The following TMED3 variants were observed in gnomAD, a reference collection of about 807,000 sequenced individuals.
TMED3 encodes the protein transmembrane emp24 domain-containing protein 3.
In TMED3, 9 loss-of-function variants were observed where a neutral mutation model predicts 15.0. That is an observed-to-expected ratio of 0.60 (90% CI 0.36 to 1.04). The LOEUF (loss-of-function observed/expected upper bound fraction) is 1.04, where lower values mean the gene tolerates loss of function less well. TMED3 is among the 50% of genes least tolerant of loss of function. TMED3 has a pLI of 0.01. For missense variants in TMED3, 267 were observed against 278.9 expected (o/e 0.96, Z 0.30); for synonymous variants, 117 against 121.4 (o/e 0.96, Z 0.24).
intron 2 of TMED3, 99 bp downstream of exon 2, chr15:79,314,104 G>T (rs1408095788): frequency 1.6e-5 from 24 of 1,495,060 alleles, no homozygotes; most frequent in Non-Finnish European, 1.2e-5. Context: ...CATCCATCCA[G>T]CTCCCAGTCT....
At chr15:79,332,020 T>C (rs1249755067) in intron 2 of TMED3, among the ~76,000 whole-genome samples, 1 of 152,102 alleles carries the variant, frequency 6.6e-6, no homozygotes, top group Non-Finnish European at 1.5e-5. Context: ...ACCACTGCAC[T>C]CCAGCCTGGG....
chr15:79,329,475 T>C (rs1436366103), intron 2 of TMED3, among the ~76,000 whole-genome samples: 1 of 152,256 alleles, frequency 6.6e-6, no homozygotes, highest in African/African-American at 2.4e-5. Context: ...CCTGTTTGTG[T>C]AAGCTTGTAC....
At chr15:79,353,575 TACACACAC>T (rs55929180) in intron 2 of TMED3, among the ~76,000 whole-genome samples, 20 of 135,594 alleles carry the variant, frequency 1.5e-4, no homozygotes, top group African/African-American at 4.7e-4. Flanking sequence ...GGGTTAAAAA[TACACACAC>T]ACACACACAC....
At chr15:79,411,140 C>T (rs1283782650) in intron 2 of TMED3, among the ~76,000 whole-genome samples, 1 of 152,162 alleles carries the variant, frequency 6.6e-6, no homozygotes, top group Non-Finnish European at 1.5e-5. Flanking sequence ...CGGGGTCACA[C>T]AGGCATCCAG....
chr15:79,384,667 T>C (rs1394516966), intron 2 of TMED3: 1 of 152,216 alleles, frequency 6.6e-6, no homozygotes, highest in Non-Finnish European at 1.5e-5. Context: ...TAATAGCAGA[T>C]AATTGGGTAG....
intron 2 of TMED3, among the ~76,000 whole-genome samples, chr15:79,341,930 TGAA>T (rs2141229152): frequency 6.6e-6 from 1 of 152,246 alleles, no homozygotes; most frequent in South Asian, 2.1e-4. Flanking sequence ...CCTCCACTGA[TGAA>T]GAAGTATACG....
At chr15:79,355,758 A>G (rs1465212993) in intron 2 of TMED3, among the ~76,000 whole-genome samples, 1 of 152,180 alleles carries the variant, frequency 6.6e-6, no homozygotes, top group African/African-American at 2.4e-5. Context: ...CCAAGCTCCA[A>G]GGAGCCGGCC....
chr15:79,346,372 T>C (rs1595894978), intron 2 of TMED3, among the ~76,000 whole-genome samples: 1 of 152,188 alleles, frequency 6.6e-6, no homozygotes, highest in South Asian at 2.1e-4. Flanking sequence ...CATAATTGAA[T>C]CATGGGGGCT....
chr15:79,322,446 T>G lies in TMED3; in HGVS notation c.*232T>G. ...TTAAGTGTGCAGCGCTGAAAAGACA[T>G]TTACAACTAGGCCAGGGATTAGCCA... On this transcript the variant is annotated 3_prime_UTR_variant, in exon 3 of 3. Transcript: ENST00000299705. 7.4e-7 allele frequency: 1 copy of G among 1,358,270 alleles called. No individual in the cohort carries two copies. Among genetic ancestry groups the G allele is most frequent in the Non-Finnish European group, 9.5e-7 (1 of 1,056,954 alleles). 84.1% of individuals were successfully genotyped at this position (1,358,270 alleles called of 1,614,324 possible).
intron 2 of TMED3, among the ~76,000 whole-genome samples, chr15:79,393,417 C>T (rs935483070): frequency 3.9e-5 from 6 of 152,102 alleles, no homozygotes; most frequent in Admixed American, 2.6e-4. Context: ...TCAAGGCACT[C>T]GGGACTTGGT....
chr15:79,406,231 C>T (rs767926254), intron 2 of TMED3, among the ~76,000 whole-genome samples: 6 of 152,248 alleles, frequency 3.9e-5, no homozygotes, highest in South Asian at 4.1e-4. Context: ...CTGTCTTCAC[C>T]GGGGTGAGGG....
intron 2 of TMED3, among the ~76,000 whole-genome samples, chr15:79,344,701 A>T (rs1487376430): frequency 6.6e-6 from 1 of 152,186 alleles, no homozygotes; most frequent in Non-Finnish European, 1.5e-5. Flanking sequence ...GGGGAACCTC[A>T]TTCAACCCAG....
intron 2 of TMED3, among the ~76,000 whole-genome samples, chr15:79,407,501 G>A (rs2903062): frequency 0.87 from 132,999 of 152,208 alleles, 58,524 homozygotes; most frequent in South Asian, 0.94. Flanking sequence ...GACCCTGGTT[G>A]TTGATCTGGA....
rs1428368981 is a variant in TMED3, at chr15:79,376,135, A to C, written c.418-35265A>C. 5.2e-5 allele frequency among the ~76,000 whole-genome samples: 6 copies of C among 114,566 alleles called. No individual in the cohort carries two copies. In the East Asian group the frequency reaches 7.4e-4, roughly 14 times the overall value. The allele number at this position is 114,566 out of a possible 152,430, so 75.2% of individuals were successfully genotyped here. A position where few individuals can be genotyped will look rare whatever the true frequency, so the allele number is the denominator to read the frequency against. ...TTTTTTTTTTTTTTTTTTGAGACGA[A>C]GTCTCGCTCTGTCGCCCAGGCTGGA... On this transcript the variant is annotated intron_variant, in intron 2 of 2. Transcript: ENST00000424155.
intron 1 of TMED3, among the ~76,000 whole-genome samples, chr15:79,311,852 T>C (rs1189765492): frequency 6.6e-6 from 1 of 152,180 alleles, no homozygotes; most frequent in African/African-American, 2.4e-5. Flanking sequence ...TTTTAGTTTA[T>C]TCCTCCCCTC....
intron 1 of TMED3, 35 bp downstream of exon 1, chr15:79,311,452 C>G (rs1261786227): frequency 8.2e-6 from 13 of 1,583,320 alleles, no homozygotes; most frequent in Non-Finnish European, 1.1e-5. Flanking sequence ...TCCCTTCTCC[C>G]TCCACTCCCA....
chr15:79,397,268 A>G (rs1359270678), intron 2 of TMED3, among the ~76,000 whole-genome samples: 1 of 152,142 alleles, frequency 6.6e-6, no homozygotes, highest in African/African-American at 2.4e-5. Context: ...CTCTTCAGTA[A>G]TTTTTTGAGA....
chr15:79,410,916 T>C (rs541877685), intron 2 of TMED3, among the ~76,000 whole-genome samples: 1 of 152,312 alleles, frequency 6.6e-6, no homozygotes, highest in African/African-American at 2.4e-5. Flanking sequence ...ATGTCACATC[T>C]ATACGATAGT....
rs975933521 is a variant in TMED3, at chr15:79,381,157, A to G, written c.418-30243A>G. 6.1e-4 allele frequency among the ~76,000 whole-genome samples: 93 copies of G among 152,088 alleles called. 1 individual carries two copies. The highest frequency in any genetic ancestry group is 4.9e-3 in the Admixed American group (75 of 15,278). On this transcript the variant is annotated intron_variant, in intron 2 of 2. Coordinates refer to the TMED3 transcript ENST00000424155. ...TGCAAAATCTTAGCTTTTTAGTGCA[A>G]TTTGATGCTCACTGGTATAGAGTCC...
Sources: allele counts gnomAD v4.1 joint callset (sites outside exome capture counted in the v4.1 genomes callset), GRCh38; gene constraint gnomAD v4.1.1; transcripts MANE v1.5; gene names NCBI Gene and HGNC (gene_info 2026-07-23, HGNC 2026-07-21).